Variants in SZT2 observed in about 807,000 individuals in gnomAD.
The protein encoded by SZT2 is SZT2 subunit of KICSTOR complex, also known as KICSTOR complex protein SZT2.
Under a neutral mutation model 404.2 loss-of-function variants are expected in SZT2, and 216 were observed. The observed-to-expected ratio is 0.53, with a 90% CI of 0.48 to 0.60. SZT2 has a LOEUF of 0.60. SZT2 is among the 20% of genes least tolerant of loss of function. The pLI, the probability that SZT2 is intolerant of heterozygous loss-of-function variation, is 0.00. For synonymous variants in SZT2, 1,693 were observed against 1,749.9 expected (o/e 0.97, Z 0.81); for missense variants, 3,857 against 4,459.2 (o/e 0.86, Z 3.85).
chr1:43,428,669 A>T lies in SZT2; in HGVS notation c.4166+183A>T, dbSNP rs1653485293. 7.9e-6 allele frequency: 6 copies of T among 761,192 alleles called. No homozygotes were observed. The South Asian group carries it at 1.1e-4, about 14-fold the overall frequency. The allele number at this position is 761,192 out of a possible 1,614,324, so 47.2% of individuals were successfully genotyped here. ...TCCTCACCAATTTGGCACAGGCAGCAGTCTCCCTCCCAGGCTCTCCCCATC... is the reference window on the plus strand; with the variant it reads ...TCCTCACCAATTTGGCACAGGCAGCTGTCTCCCTCCCAGGCTCTCCCCATC... On this transcript the variant is annotated intron_variant, in intron 28 of 71. Transcript: ENST00000634258.
rs376678520 is a variant in SZT2 at position 43,431,788 on chromosome 1, C to T, written c.5161C>T (p.His1721Tyr). ...RGGIPQSPAL[H>Y]RAAAHIHSSP... ...GGGCATCCCACAGAGTCCTGCCCTGCACCGCGCAGCTGCCCATATCCATAG... is the reference window on the plus strand; with the variant it reads ...GGGCATCCCACAGAGTCCTGCCCTGTACCGCGCAGCTGCCCATATCCATAG... The change falls in exon 36 of 72, where the codon CAC (histidine) becomes TAC (tyrosine). Residue 1721 changes from histidine (H) to tyrosine (Y), a missense_variant. Coordinates refer to ENST00000634258, the MANE Select transcript of SZT2 (RefSeq NM_001365999.1). The T allele has an allele frequency of 1.8e-4, 295 of 1,614,110 alleles. No homozygotes were observed. Among genetic ancestry groups the T allele is most frequent in the Non-Finnish European group, 2.4e-4 (279 of 1,180,040 alleles).
chr1:43,403,313 G>C lies in SZT2; in HGVS notation c.153+11G>C. ...CCCCAGGAGATGCTGGTGAGGCTTA[G>C]ACACACGAAAGGTGTGAGGGGCCAG... On this transcript the variant is annotated intron_variant, in intron 2 of 71. Coordinates refer to ENST00000634258, the MANE Select transcript of SZT2 (RefSeq NM_001365999.1). 1.9e-6 allele frequency: 3 copies of C among 1,611,318 alleles called. No homozygotes were observed. The highest frequency in any genetic ancestry group is 2.5e-6 in the Non-Finnish European group (3 of 1,179,278).
chr1:43,447,314 T>G, intron 66 of SZT2, 146 bp downstream of exon 66: 1 of 1,123,098 alleles, frequency 8.9e-7, no homozygotes, highest in Non-Finnish European at 1.3e-6. Context: ...CCCATGTTTC[T>G]GTCCTGTGTC....
rs139028174 is a variant in SZT2 at position 43,434,394 on chromosome 1, T to C, written c.5813T>C (p.Ile1938Thr). The C allele has an allele frequency of 3.6e-4, 575 of 1,593,464 alleles. 1 individual carries two copies. Among genetic ancestry groups the C allele is most frequent in the Non-Finnish European group, 4.6e-4 (540 of 1,171,514 alleles). Residue 1938 changes from isoleucine (I) to threonine (T), a missense_variant, in exon 41 of 72, where the codon ATT (isoleucine) becomes ACT (threonine). Coordinates refer to ENST00000634258, the MANE Select transcript of SZT2 (RefSeq NM_001365999.1). ...VEVYAHARSL[I>T]REDGGPGTEC... ...TTATCCTTCCTTCCCAGGAGCCTGA[T>C]TCGGGAGGATGGGGGGCCGGGCACT...
intron 1 of SZT2, among the ~76,000 whole-genome samples, chr1:43,401,826 G>T (rs1029619576): frequency 6.6e-6 from 1 of 151,944 alleles, no homozygotes; most frequent in Non-Finnish European, 1.5e-5. Flanking sequence ...ATATATCTTA[G>T]ATGCTCAATA....
In SZT2 at chr1:43,424,189, A is replaced by G. The variant is rs749017427; in HGVS notation, c.2256-28A>G. 579 of 1,583,936 alleles carry G rather than the reference A, an allele frequency of 3.7e-4. 1 individual carries two copies. Among genetic ancestry groups the G allele is most frequent in the Non-Finnish European group, 4.7e-4 (550 of 1,169,978 alleles). On this transcript the variant is annotated intron_variant, in intron 15 of 71. Coordinates refer to ENST00000634258, the MANE Select transcript of SZT2 (RefSeq NM_001365999.1). This position sits in a 1 kb window ranked among gnomAD's most constrained non-coding sequence, Gnocchi z 4.1. ...CGTGGCTTAGCCGGGGATGAGAGAGATAGCTGGGGAGTTGTCCCATTTCCT... is the reference window on the plus strand; with the variant it reads ...CGTGGCTTAGCCGGGGATGAGAGAGGTAGCTGGGGAGTTGTCCCATTTCCT...
intron 1 of SZT2, among the ~76,000 whole-genome samples, chr1:43,402,212 A>G (rs948225177): frequency 1.3e-5 from 2 of 152,194 alleles, no homozygotes; most frequent in Non-Finnish European, 2.9e-5. Context: ...GAAATTTGCC[A>G]TTTGTGTAGG....
chr1:43,453,968 C>T lies in SZT2; in HGVS notation c.*3488C>T. On this transcript the variant is annotated 3_prime_UTR_variant, in exon 72 of 72. Coordinates refer to ENST00000634258, the MANE Select transcript of SZT2 (RefSeq NM_001365999.1). ...CCCGGGCCTTCACGAAAAGCGCCTA[C>T]GGTTAGCGAGAGAGGGATCACGGGG... 4.2e-6 allele frequency: 5 copies of T among 1,193,324 alleles called. No homozygotes were observed. The highest frequency in any genetic ancestry group is 5.2e-6 in the Non-Finnish European group (5 of 963,470). The allele number at this position is 1,193,324 out of a possible 1,614,324, so 73.9% of individuals were successfully genotyped here.
chr1:43,390,142 A>C (rs1031096212), intron 1 of SZT2, 147 bp downstream of exon 1: 48 of 930,910 alleles, frequency 5.2e-5, no homozygotes, highest in Middle Eastern at 3.6e-4. Flanking sequence ...AGGCCCGACT[A>C]TGGTACCCCT....
Position 43,439,866 on chromosome 1 carries a change from C to G in SZT2, c.7043-15C>G, listed in dbSNP as rs1229577597. On this transcript the variant is annotated splice_polypyrimidine_tract_variant and intron_variant, in intron 50 of 71. Coordinates refer to ENST00000634258, the MANE Select transcript of SZT2 (RefSeq NM_001365999.1). This position sits in a 1 kb window ranked among gnomAD's most constrained non-coding sequence, Gnocchi z 4.2. ...GATCTAGGGACACCCTCAAGTGTCCCTGTTCTCCTTCCAGCTCAGAATGGG... is the reference window on the plus strand; with the variant it reads ...GATCTAGGGACACCCTCAAGTGTCCGTGTTCTCCTTCCAGCTCAGAATGGG... 1.9e-6 allele frequency: 3 copies of G among 1,579,706 alleles called. No individual in the cohort carries two copies. Among genetic ancestry groups the G allele is most frequent in the Non-Finnish European group, 1.7e-6 (2 of 1,162,582 alleles).
rs1655247915 is a variant in SZT2 at position 43,443,050 on chromosome 1, C to T, written c.8383C>T (p.Gln2795Ter). The T allele has an allele frequency of 6.2e-7, 1 of 1,613,252 alleles. No homozygotes were observed. The highest frequency in any genetic ancestry group is 1.3e-5 in the African/African-American group (1 of 74,900). Residue 2795 changes from glutamine (Q) to a stop codon, truncating the protein, a stop_gained, in exon 59 of 72, where the codon CAA (glutamine) becomes TAA (stop). Transcript: ENST00000634258. LOFTEE classifies it high-confidence loss of function. ...RPPDPVTYHGQQFLEIKMAER... is the reference protein window; with the variant it reads ...RPPDPVTYHG ...TCCTGATCCTGTCACCTACCATGGA[C>T]AACAGTTCCTAGAGATCAAGATGGC...
At position 43,453,726 on chromosome 1, in the gene SZT2, C is replaced by T. The variant is rs753631450; in HGVS notation, c.*3246C>T. On this transcript the variant is annotated 3_prime_UTR_variant, in exon 72 of 72. Transcript: ENST00000634258. The stretch of plus-strand genomic sequence containing the variant: ...GCCCGAGCTGCCCGCGGCCCGCACC[C>T]GCGCGGGGAGGCCGGAGAGCTCGGG... 7.2e-7 allele frequency: 1 copy of T among 1,390,112 alleles called. No individual in the cohort carries two copies. The highest frequency in any genetic ancestry group is 9.2e-7 in the Non-Finnish European group (1 of 1,083,686). The allele number at this position is 1,390,112 out of a possible 1,614,324, so 86.1% of individuals were successfully genotyped here.
Position 43,423,131 on chromosome 1 carries a change from G to T in SZT2, c.2070G>T (p.Arg690=). ...IVSGLREEIL[R]LRFPHRVQSK... ...CAGGCTTGAGGGAAGAGATCCTGCG[G>T]CTGCGTTTCCCCCACCGGGTACAAA... The change falls in exon 15 of 72, where the codon CGG becomes CGT. Residue 690 remains arginine (R), a synonymous_variant. Coordinates refer to ENST00000634258, the MANE Select transcript of SZT2 (RefSeq NM_001365999.1). 1 of 1,595,942 alleles carries T rather than the reference G, an allele frequency of 6.3e-7. No individual in the cohort carries two copies.
chr1:43,430,436 C>T, intron 31 of SZT2, 47 bp downstream of exon 31: 1 of 1,603,154 alleles, frequency 6.2e-7, no homozygotes, highest in Non-Finnish European at 8.5e-7. Flanking sequence ...CTGCTTCACG[C>T]CGAGATTCAA....
chr1:43,432,205 A>G (rs943003725), intron 36 of SZT2, 67 bp from the exon 37 acceptor site: 1 of 1,464,338 alleles, frequency 6.8e-7, no homozygotes, highest in Non-Finnish European at 9.2e-7. Flanking sequence ...CTCATGAGGA[A>G]GTGTAGCTCA....
intron 1 of SZT2, among the ~76,000 whole-genome samples, chr1:43,397,264 T>C (rs903603068): frequency 7.9e-5 from 12 of 151,718 alleles, no homozygotes; most frequent in African/African-American, 7.3e-5. Flanking sequence ...CTGTCTCTAC[T>C]GAAAATACAA....
At chr1:43,404,049 A>C (rs1028424681) in intron 3 of SZT2, 6 of 520,874 alleles carry the variant, frequency 1.2e-5, no homozygotes, top group Non-Finnish European at 2.1e-5. Flanking sequence ...CTCTCTATAA[A>C]AAATACAAAA....
chr1:43,426,493 G>A lies in SZT2; in HGVS notation c.3169G>A (p.Ala1057Thr), dbSNP rs1362346926. 2 of 1,596,062 alleles carry A rather than the reference G, an allele frequency of 1.3e-6. No individual in the cohort carries two copies. Among genetic ancestry groups the A allele is most frequent in the Non-Finnish European group, 1.7e-6 (2 of 1,178,834 alleles). ...REIPLTPVDQ[A>T]AFLSEVLRRT... ...GATCCCACTGACCCCCGTTGACCAG[G>A]CTGCCTTCTTGAGTGAGGTGCTGCG... The change falls in exon 22 of 72, where the codon GCT (alanine) becomes ACT (threonine). Residue 1057 changes from alanine (A) to threonine (T), a missense_variant. Around this residue, in one of 7 missense-constraint regions of SZT2, gnomAD observed 1,725 missense variants for 1,881.0 expected, o/e 0.92. Coordinates refer to ENST00000634258, the MANE Select transcript of SZT2 (RefSeq NM_001365999.1). This position sits in a 1 kb window ranked among gnomAD's most constrained non-coding sequence, Gnocchi z 4.9.
rs943490013 is a variant in SZT2, at chr1:43,431,319, T to C, written c.4971T>C (p.Ser1657=). ...CACGATCCCCAGGGCAGCCATCATC[T>C]TTAAGGTCAGATGATGGCCTCGGGC... The part of the protein sequence containing the change: ...SFPRSPGQPS[S]LRSDDGLGPP... The change falls in exon 34 of 72, where the codon TCT becomes TCC. Residue 1657 remains serine, a synonymous_variant. Transcript: ENST00000634258. 6.2e-7 allele frequency: 1 copy of C among 1,613,702 alleles called. No individual in the cohort carries two copies. The highest frequency in any genetic ancestry group is 1.7e-5 in the Admixed American group (1 of 59,978).
Sources: gnomAD v4.1 joint callset for allele counts (sites outside exome capture counted in the v4.1 genomes callset) on GRCh38, gnomAD v4.1.1 for gene constraint, gnomAD v4.1.1 regional missense constraint, Gnocchi (gnomAD v3.1) non-coding constraint, MANE v1.5 for transcripts, NCBI Gene and HGNC (gene_info 2026-07-23, HGNC 2026-07-21) for gene names.